The following SLC9A9 variants were observed in gnomAD, a reference collection of about 807,000 sequenced individuals.
SLC9A9 encodes sodium/hydrogen exchanger 9.
SLC9A9 carries 62 observed loss-of-function variants against 77.8 expected under a neutral mutation model. The ratio of observed to expected loss-of-function variants is 0.80; its 90% CI spans 0.65 to 0.98. SLC9A9 has a LOEUF of 0.98. Among genes scored for constraint, SLC9A9 ranks in the 50% least tolerant of loss-of-function variants. The probability of loss-of-function intolerance (pLI) is 0.00; values close to 1 mark genes in which losing one functional copy is unlikely to be tolerated. For synonymous variants in SLC9A9, 320 were observed against 283.5 expected, an observed-to-expected ratio of 1.13 and a Z score of -1.29; for missense variants, 775 against 774.9, an observed-to-expected ratio of 1.00 and a Z score of 0.00.
At chr3:143,691,336 T>A (rs945025277) in intron 5 of SLC9A9, among the ~76,000 whole-genome samples, 1 of 151,948 alleles carries the variant, frequency 6.6e-6, no homozygotes, top group Non-Finnish European at 1.5e-5. Flanking sequence ...TCCCATAGGG[T>A]TGGGTTTATA....
intron 5 of SLC9A9, among the ~76,000 whole-genome samples, chr3:143,660,531 C>T (rs1007323231): frequency 6.6e-6 from 1 of 152,210 alleles, no homozygotes; most frequent in Non-Finnish European, 1.5e-5. Flanking sequence ...CCTTGTGAGA[C>T]TCTGATCTAA....
At chr3:143,645,725 C>A (rs1576631100) in intron 6 of SLC9A9, among the ~76,000 whole-genome samples, 1 of 152,144 alleles carries the variant, frequency 6.6e-6, no homozygotes, top group East Asian at 1.9e-4. Context: ...AAGAACTTCT[C>A]TGCAGCATAA....
At chr3:143,786,947 GGGAA>G (rs2008074347) in intron 4 of SLC9A9, among the ~76,000 whole-genome samples, 1 of 152,160 alleles carries the variant, frequency 6.6e-6, no homozygotes, top group Non-Finnish European at 1.5e-5. Flanking sequence ...TTGGAAAGAA[GGGAA>G]GGGAGAGGGG....
At chr3:143,766,480 G>A (rs1274868561) in intron 4 of SLC9A9, among the ~76,000 whole-genome samples, 1 of 152,124 alleles carries the variant, frequency 6.6e-6, no homozygotes, top group Non-Finnish European at 1.5e-5. Flanking sequence ...ATATAGTGGG[G>A]GTGATTGCTT....
At chr3:143,809,192 C>T (rs1352073482) in intron 2 of SLC9A9, among the ~76,000 whole-genome samples, 1 of 152,216 alleles carries the variant, frequency 6.6e-6, no homozygotes, top group Non-Finnish European at 1.5e-5. Flanking sequence ...GTACAACCTC[C>T]TGGACAGAAA....
chr3:143,529,796 T>C (rs1335302861), intron 9 of SLC9A9, among the ~76,000 whole-genome samples: 21 of 152,154 alleles, frequency 1.4e-4, no homozygotes, highest in Admixed American at 1.4e-3. Context: ...AATTGAAAAA[T>C]GGAAGACTAG....
intron 14 of SLC9A9, among the ~76,000 whole-genome samples, chr3:143,306,684 A>G (rs150834898): frequency 1.1e-3 from 165 of 152,258 alleles, no homozygotes; most frequent in African/African-American, 3.6e-3. Flanking sequence ...GAATCCTGCC[A>G]TCACCTGATC....
At chr3:143,581,826 C>G (rs1266399118) in intron 6 of SLC9A9, among the ~76,000 whole-genome samples, 19 of 152,114 alleles carry the variant, frequency 1.2e-4, no homozygotes. Context: ...AGTATGTTGA[C>G]TAGGGCAACA....
intron 6 of SLC9A9, among the ~76,000 whole-genome samples, chr3:143,581,841 C>G (rs73001737): frequency 0.035 from 5,341 of 152,202 alleles, 302 homozygotes; most frequent in African/African-American, 0.12. Context: ...GCAACAGCAC[C>G]GTCTCTCCTG....
chr3:143,311,645 T>C (rs12496947), intron 14 of SLC9A9, among the ~76,000 whole-genome samples: 1,526 of 152,272 alleles, frequency 0.01, 80 homozygotes, highest in East Asian at 0.078. Flanking sequence ...ATATGTCAGG[T>C]CTCATTACAT....
At chr3:143,534,562 A>G (rs1160368454) in intron 9 of SLC9A9, among the ~76,000 whole-genome samples, 1 of 152,124 alleles carries the variant, frequency 6.6e-6, no homozygotes, top group Non-Finnish European at 1.5e-5. Context: ...TAGCAGGCAG[A>G]CCACTGGCTG....
intron 1 of SLC9A9, among the ~76,000 whole-genome samples, chr3:143,842,330 G>A (rs940265670): frequency 4.6e-5 from 7 of 152,164 alleles, no homozygotes; most frequent in Non-Finnish European, 7.3e-5. Flanking sequence ...GCAGTGAGCC[G>A]AGATTGTGCC....
chr3:143,791,499 T>C (rs939076004), intron 4 of SLC9A9, among the ~76,000 whole-genome samples: 2 of 152,174 alleles, frequency 1.3e-5, no homozygotes, highest in Non-Finnish European at 2.9e-5. Context: ...TCTCATACAC[T>C]TTGGATGCTG....
At chr3:143,442,455 C>T (rs774207245) in intron 12 of SLC9A9, among the ~76,000 whole-genome samples, 1 of 152,162 alleles carries the variant, frequency 6.6e-6, no homozygotes, top group Non-Finnish European at 1.5e-5. Context: ...GGCACGGTGG[C>T]TCATGCCTGT....
At chr3:143,689,381 A>G (rs1933383579) in intron 5 of SLC9A9, among the ~76,000 whole-genome samples, 1 of 152,080 alleles carries the variant, frequency 6.6e-6, no homozygotes, top group Admixed American at 6.6e-5. Flanking sequence ...TCGACTACTA[A>G]AGATAATTAG....
At chr3:143,740,230 G>A (rs1013488467) in intron 4 of SLC9A9, among the ~76,000 whole-genome samples, 3 of 152,022 alleles carry the variant, frequency 2.0e-5, no homozygotes, top group Non-Finnish European at 4.4e-5. Flanking sequence ...TGCTACTTTA[G>A]ACAAAAAAAT....
intron 6 of SLC9A9, among the ~76,000 whole-genome samples, chr3:143,616,216 C>T (rs2038104621): frequency 6.6e-6 from 1 of 152,162 alleles, no homozygotes. Flanking sequence ...CAATATTCTG[C>T]TTTCATTCAC....
chr3:143,557,836 G>T (rs2037013917), intron 8 of SLC9A9, among the ~76,000 whole-genome samples: 1 of 152,188 alleles, frequency 6.6e-6, no homozygotes, highest in African/African-American at 2.4e-5. Context: ...TGGAAAATTT[G>T]CAGCCTGACA....
intron 13 of SLC9A9, among the ~76,000 whole-genome samples, chr3:143,374,410 G>A (rs1415948843): frequency 7.3e-5 from 9 of 123,840 alleles, no homozygotes; most frequent in Non-Finnish European, 1.4e-4. Flanking sequence ...GGGAGACAGC[G>A]AGACTCTGTC....
Sources: allele counts gnomAD v4.1 joint callset (sites outside exome capture counted in the v4.1 genomes callset), GRCh38; gene constraint gnomAD v4.1.1; transcripts MANE v1.5; gene names NCBI Gene and HGNC (gene_info 2026-07-23, HGNC 2026-07-21).